The following SMYD3 variants were observed in gnomAD, a reference collection of about 807,000 sequenced individuals.
The protein encoded by SMYD3 is SET and MYND domain containing 3.
SMYD3 carries 36 observed loss-of-function variants against 57.7 expected under a neutral mutation model. The observed-to-expected ratio is 0.62, with a 90% CI of 0.48 to 0.82. SMYD3 has a LOEUF of 0.82. SMYD3 is among the 40% of genes least tolerant of loss of function. The pLI is 0.00. For missense variants in SMYD3, 515 were observed against 538.8 expected (o/e 0.96, Z 0.44); for synonymous variants, 211 against 195.0 (o/e 1.08, Z -0.68).
intron 1 of SMYD3, among the ~76,000 whole-genome samples, chr1:246,433,793 A>G (rs1306564969): frequency 6.6e-6 from 1 of 152,242 alleles, no homozygotes; most frequent in Admixed American, 6.5e-5. Flanking sequence ...TAGAACTCAA[A>G]AAGAGCCCAA....
intron 5 of SMYD3, among the ~76,000 whole-genome samples, chr1:246,152,147 A>T (rs549965345): frequency 6.6e-6 from 1 of 152,334 alleles, no homozygotes; most frequent in Admixed American, 6.5e-5. Context: ...CAGAAAACAA[A>T]CATGAAAGTG....
At chr1:246,035,855 T>C (rs2059764952) in intron 5 of SMYD3, among the ~76,000 whole-genome samples, 3 of 152,356 alleles carry the variant, frequency 2.0e-5, no homozygotes, top group African/African-American at 7.2e-5. Flanking sequence ...GGTGTTTACT[T>C]GTTGATAATC....
chr1:246,330,824 C>A (rs1001422038), intron 3 of SMYD3, among the ~76,000 whole-genome samples: 2 of 152,096 alleles, frequency 1.3e-5, no homozygotes, highest in African/African-American at 4.8e-5. Flanking sequence ...CGTGTACCGG[C>A]CAAAAGAGTC....
chr1:246,289,264 A>G (rs1461933031), intron 5 of SMYD3, among the ~76,000 whole-genome samples: 1 of 152,176 alleles, frequency 6.6e-6, no homozygotes, highest in East Asian at 1.9e-4. Context: ...AATTCCCTAG[A>G]AGAATGCCAA....
chr1:245,990,816 C>T (rs1008532171), intron 5 of SMYD3, among the ~76,000 whole-genome samples: 3 of 152,162 alleles, frequency 2.0e-5, no homozygotes, highest in Non-Finnish European at 2.9e-5. Context: ...TAAGATAACA[C>T]GTGTGTGGTT....
At chr1:246,124,671 G>T (rs1213559497) in intron 5 of SMYD3, among the ~76,000 whole-genome samples, 1 of 152,132 alleles carries the variant, frequency 6.6e-6, no homozygotes, top group East Asian at 1.9e-4. Flanking sequence ...ATGACATAAG[G>T]CCGGAGAGGG....
chr1:246,235,608 C>A (rs766107800), intron 5 of SMYD3, among the ~76,000 whole-genome samples: 2 of 152,196 alleles, frequency 1.3e-5, no homozygotes, highest in Non-Finnish European at 2.9e-5. Context: ...ATCAGACTCA[C>A]AGTAGTACCA....
chr1:246,101,064 G>GTTT (rs538220674), intron 5 of SMYD3, among the ~76,000 whole-genome samples: 27 of 78,594 alleles, frequency 3.4e-4, no homozygotes, highest in Non-Finnish European at 6.4e-4. Flanking sequence ...ATTTTTAGGG[G>GTTT]TTTTTTGTTT....
intron 5 of SMYD3, among the ~76,000 whole-genome samples, chr1:246,166,068 C>T (rs1190326742): frequency 6.6e-6 from 1 of 152,058 alleles, no homozygotes; most frequent in African/African-American, 2.4e-5. Context: ...AACTGCTTTG[C>T]TGCACTGTGG....
At chr1:246,112,424 G>T (rs1382739358) in intron 5 of SMYD3, among the ~76,000 whole-genome samples, 1 of 152,130 alleles carries the variant, frequency 6.6e-6, no homozygotes, top group Non-Finnish European at 1.5e-5. Flanking sequence ...TATAATTATT[G>T]TATATTTGGA....
At chr1:245,952,853 A>G (rs2057706959) in intron 5 of SMYD3, among the ~76,000 whole-genome samples, 1 of 152,202 alleles carries the variant, frequency 6.6e-6, no homozygotes, top group Non-Finnish European at 1.5e-5. Context: ...CATACCCTCA[A>G]GTGCATACAG....
At chr1:245,827,414 C>T (rs2049565183) in intron 10 of SMYD3, among the ~76,000 whole-genome samples, 1 of 152,182 alleles carries the variant, frequency 6.6e-6, no homozygotes, top group Admixed American at 6.5e-5. Flanking sequence ...CGATGCCTGG[C>T]CCAGGGCTCT....
chr1:245,968,737 T>C (rs1260848673), intron 5 of SMYD3, among the ~76,000 whole-genome samples: 1 of 152,184 alleles, frequency 6.6e-6, no homozygotes, highest in East Asian at 1.9e-4. Flanking sequence ...GTTGCAAGTG[T>C]GGACTGTAGA....
chr1:246,019,581 T>C (rs1035835425), intron 5 of SMYD3, among the ~76,000 whole-genome samples: 40 of 152,334 alleles, frequency 2.6e-4, no homozygotes, highest in African/African-American at 9.1e-4. Context: ...ATCGTAGCTG[T>C]GTTCTTGACA....
At chr1:245,952,917 AG>A (rs1397103746) in intron 5 of SMYD3, among the ~76,000 whole-genome samples, 4 of 152,186 alleles carry the variant, frequency 2.6e-5, no homozygotes. Flanking sequence ...TGCAGGGGAT[AG>A]TCTGTATCTA....
intron 10 of SMYD3, among the ~76,000 whole-genome samples, chr1:245,784,174 T>C (rs771854885): frequency 6.6e-6 from 1 of 152,216 alleles, no homozygotes; most frequent in African/African-American, 2.4e-5. Flanking sequence ...TAGCAAGCAC[T>C]AGTTCTCATG....
At chr1:246,310,872 G>A (rs2065065503) in intron 5 of SMYD3, among the ~76,000 whole-genome samples, 1 of 151,964 alleles carries the variant, frequency 6.6e-6, no homozygotes, top group South Asian at 2.1e-4. Context: ...GTTTCACCAT[G>A]TTGGCCAGGC....
chr1:245,774,822 T>C (rs1437715187), intron 10 of SMYD3, among the ~76,000 whole-genome samples: 1 of 152,084 alleles, frequency 6.6e-6, no homozygotes, highest in Admixed American at 6.5e-5. Flanking sequence ...TGCCTCAGCC[T>C]GCCGAGTGCC....
chr1:246,334,747 A>G (rs2065513917), intron 3 of SMYD3, among the ~76,000 whole-genome samples: 2 of 152,220 alleles, frequency 1.3e-5, no homozygotes, highest in African/African-American at 4.8e-5. Context: ...AACAGAGAGA[A>G]GTAGAGCCTA....
Sources: allele counts gnomAD v4.1 joint callset (sites outside exome capture counted in the v4.1 genomes callset), GRCh38; gene constraint gnomAD v4.1.1; transcripts MANE v1.5; gene names NCBI Gene and HGNC (gene_info 2026-07-23, HGNC 2026-07-21).